The following CLVS1 variants were observed in gnomAD, a reference collection of about 807,000 sequenced individuals.
CLVS1 encodes the protein clavesin 1.
In CLVS1, 10 loss-of-function variants were observed where a neutral mutation model predicts 33.1. The ratio of observed to expected loss-of-function variants is 0.30; its 90% CI spans 0.19 to 0.51. The LOEUF is 0.51. Ranked by LOEUF, CLVS1 falls within the 20% of genes least tolerant of loss-of-function variation. The pLI is 0.97. For missense variants in CLVS1, 343 were observed against 433.4 expected, an observed-to-expected ratio of 0.79 and a Z score of 1.85; for synonymous variants, 163 against 166.1, an observed-to-expected ratio of 0.98 and a Z score of 0.14.
At chr8:61,216,856 T>A (rs184926320) in intron 2 of CLVS1, among the ~76,000 whole-genome samples, 1 of 152,156 alleles carries the variant, frequency 6.6e-6, no homozygotes, top group Admixed American at 6.5e-5. Flanking sequence ...GTTCTTTTTT[T>A]ATGTCAGTAT....
intron 5 of CLVS1, among the ~76,000 whole-genome samples, chr8:61,474,308 A>G (rs1428372148): frequency 1.3e-5 from 2 of 152,222 alleles, no homozygotes; most frequent in Admixed American, 6.5e-5. Flanking sequence ...TCCATTGGAC[A>G]TAATGACTTG....
chr8:61,086,510 G>A (rs1208604286), intron 1 of CLVS1, among the ~76,000 whole-genome samples: 2 of 151,988 alleles, frequency 1.3e-5, no homozygotes, highest in African/African-American at 2.4e-5. Flanking sequence ...AAATTAACTG[G>A]TTTCTTGTAT....
intron 2 of CLVS1, among the ~76,000 whole-genome samples, chr8:61,210,175 G>C (rs1807941869): frequency 6.6e-6 from 1 of 152,188 alleles, no homozygotes; most frequent in Non-Finnish European, 1.5e-5. Flanking sequence ...AGTATTAAGA[G>C]GTGGAATCTT....
chr8:61,364,625 A>G (rs1813115993), intron 2 of CLVS1, among the ~76,000 whole-genome samples: 1 of 152,236 alleles, frequency 6.6e-6, no homozygotes, highest in Non-Finnish European at 1.5e-5. Context: ...ACCAACTTTT[A>G]AAACTTAAAT....
upstream of CLVS1, among the ~76,000 whole-genome samples, chr8:61,285,959 G>GC (rs1809768393): frequency 7.4e-6 from 1 of 135,130 alleles, no homozygotes; most frequent in Non-Finnish European, 1.7e-5. Context: ...TTTCCCTGTA[G>GC]TTTTTTTTTT....
At chr8:61,177,214 C>A (rs1360178892) in intron 2 of CLVS1, among the ~76,000 whole-genome samples, 1 of 152,210 alleles carries the variant, frequency 6.6e-6, no homozygotes, top group Non-Finnish European at 1.5e-5. Context: ...CCGGCTGTGG[C>A]AGACTGTGGC....
the CLVS1 span, among the ~76,000 whole-genome samples, chr8:61,047,555 A>G: frequency 0.011 from 1,637 of 152,328 alleles, 22 homozygotes; most frequent in African/African-American, 0.037. Flanking sequence ...ATGTCCAACA[A>G]TGATAGACTG....
chr8:61,075,668 C>T (rs1804897072), intron 1 of CLVS1, among the ~76,000 whole-genome samples: 1 of 152,184 alleles, frequency 6.6e-6, no homozygotes, highest in South Asian at 2.1e-4. Flanking sequence ...TCCCTCAGAT[C>T]TCTTACACCC....
chr8:61,014,637 C>T, the CLVS1 span, among the ~76,000 whole-genome samples: 2 of 152,054 alleles, frequency 1.3e-5, no homozygotes, highest in African/African-American at 4.8e-5. Flanking sequence ...GAGAAAAAAG[C>T]GTGGGGCTTT....
intron 2 of CLVS1, among the ~76,000 whole-genome samples, chr8:61,369,689 A>G: frequency 6.6e-6 from 1 of 152,192 alleles, no homozygotes; most frequent in South Asian, 2.1e-4. Context: ...TAACCCTACA[A>G]GTGTAAGAAA....
At chr8:61,337,784 G>C (rs948837209) in intron 2 of CLVS1, among the ~76,000 whole-genome samples, 7 of 152,212 alleles carry the variant, frequency 4.6e-5, no homozygotes, top group Non-Finnish European at 1.0e-4. Context: ...AGGGAGTGTG[G>C]CAGGGCGGGG....
At chr8:61,477,430 G>A (rs190280824) in intron 5 of CLVS1, among the ~76,000 whole-genome samples, 18 of 152,250 alleles carry the variant, frequency 1.2e-4, no homozygotes, top group Admixed American at 1.1e-3. Context: ...ATCTGGTCCT[G>A]GACTTCTTTT....
chr8:61,487,943 C>CAGGT (rs1340720384), intron 5 of CLVS1, among the ~76,000 whole-genome samples: 1 of 152,144 alleles, frequency 6.6e-6, no homozygotes, highest in Non-Finnish European at 1.5e-5. Context: ...TTTGTTCTAC[C>CAGGT]AAAGTAACTG....
chr8:61,175,648 C>T (rs1807099205), intron 2 of CLVS1, among the ~76,000 whole-genome samples: 1 of 152,120 alleles, frequency 6.6e-6, no homozygotes, highest in African/African-American at 2.4e-5. Flanking sequence ...CATGGGTATA[C>T]AGACGCAGAA....
At chr8:61,033,040 AG>A in the CLVS1 span, among the ~76,000 whole-genome samples, 1 of 117,246 alleles carries the variant, frequency 8.5e-6, no homozygotes, top group Non-Finnish European at 1.9e-5. Context: ...AAAGAAAGAA[AG>A]AAAGAAAAAG....
the CLVS1 span, among the ~76,000 whole-genome samples, chr8:61,006,650 G>A: frequency 2.0e-5 from 3 of 152,174 alleles, no homozygotes; most frequent in South Asian, 2.1e-4. Context: ...ATCTATAATT[G>A]ATTGTATATC....
the CLVS1 span, among the ~76,000 whole-genome samples, chr8:61,035,513 C>CTGGG: frequency 6.6e-6 from 1 of 152,122 alleles, no homozygotes; most frequent in Non-Finnish European, 1.5e-5. Flanking sequence ...GTGGCCGGCC[C>CTGGG]CGGGCGTCTG....
chr8:61,133,708 G>C (rs1254893455), intron 2 of CLVS1, among the ~76,000 whole-genome samples: 1 of 152,130 alleles, frequency 6.6e-6, no homozygotes, highest in African/African-American at 2.4e-5. Flanking sequence ...GGATTTGCAA[G>C]GTCAGTTTTA....
At chr8:61,268,245 C>T (rs1207099528) in intron 2 of CLVS1, among the ~76,000 whole-genome samples, 9 of 150,090 alleles carry the variant, frequency 6.0e-5, no homozygotes, top group Non-Finnish European at 1.2e-4. Flanking sequence ...CAATTCCCAC[C>T]TATGAGTGAG....
Sources: allele counts gnomAD v4.1 joint callset (sites outside exome capture counted in the v4.1 genomes callset), GRCh38; gene constraint gnomAD v4.1.1; transcripts MANE v1.5; gene names NCBI Gene and HGNC (gene_info 2026-07-23, HGNC 2026-07-21).